The following SLC25A20 variants were observed in gnomAD, a reference collection of about 807,000 sequenced individuals.
The protein encoded by SLC25A20 is mitochondrial carnitine/acylcarnitine carrier protein.
A neutral mutation model predicts 39.7 loss-of-function variants in SLC25A20; 29 were observed. The observed-to-expected ratio is 0.73, with a 90% CI of 0.54 to 1.00. The LOEUF is 1.00. SLC25A20 is among the 50% of genes least tolerant of loss of function. SLC25A20 has a pLI of 0.00. For synonymous variants in SLC25A20, 103 were observed against 142.2 expected (o/e 0.72, Z 1.96); for missense variants, 333 against 379.9 (o/e 0.88, Z 1.03).
At position 48,898,839 on chromosome 3, in the gene SLC25A20, T is replaced by C. The variant is rs946997872; in HGVS notation, c.-45A>G. ...CCGTCTGTCAGTTCTCGGGCCGTCC[T>C]GGCTTCTCAGCCCCAGCTGCAGTGC... On this transcript the variant is annotated 5_prime_UTR_variant, in exon 1 of 9. Coordinates refer to ENST00000319017, the MANE Select transcript of SLC25A20 (RefSeq NM_000387.6). 6.5e-7 allele frequency: 1 copy of C among 1,533,602 alleles called. No individual in the cohort carries two copies. The highest frequency in any genetic ancestry group is 1.4e-5 in the African/African-American group (1 of 72,730). 95.0% of individuals were successfully genotyped at this position (1,533,602 alleles called of 1,614,324 possible).
At chr3:48,892,946 C>T (rs997979172) in intron 1 of SLC25A20, among the ~76,000 whole-genome samples, 9 of 152,142 alleles carry the variant, frequency 5.9e-5, no homozygotes, top group African/African-American at 2.2e-4. Context: ...TGCAAAGTGG[C>T]TGCACCATTT....
At chr3:48,894,360 A>G (rs2083898521) in intron 1 of SLC25A20, among the ~76,000 whole-genome samples, 1 of 148,370 alleles carries the variant, frequency 6.7e-6, no homozygotes, top group South Asian at 2.1e-4. Flanking sequence ...TCCTGGGTTC[A>G]AGTGATTCTC....
chr3:48,875,880 T>C (rs2083751786), intron 4 of SLC25A20, among the ~76,000 whole-genome samples: 1 of 152,044 alleles, frequency 6.6e-6, no homozygotes, highest in East Asian at 1.9e-4. Flanking sequence ...TAGCAGGGCA[T>C]GGTGATGCAC....
intron 2 of SLC25A20, among the ~76,000 whole-genome samples, chr3:48,889,377 G>A (rs1358577905): frequency 1.3e-5 from 2 of 151,500 alleles, no homozygotes; most frequent in African/African-American, 4.8e-5. Flanking sequence ...GCAACAGAGT[G>A]AGACCATGTC....
intron 2 of SLC25A20, among the ~76,000 whole-genome samples, chr3:48,888,797 T>C (rs916727385): frequency 1.3e-5 from 2 of 151,356 alleles, no homozygotes; most frequent in African/African-American, 4.9e-5. Context: ...ATGAAAGTTA[T>C]ATTTTAGGGC....
At chr3:48,890,526 G>C (rs557383809) in intron 2 of SLC25A20, among the ~76,000 whole-genome samples, 2 of 151,644 alleles carry the variant, frequency 1.3e-5, no homozygotes, top group African/African-American at 4.8e-5. Context: ...AAATGCTGAT[G>C]TATGCTGCCT....
At position 48,857,746 on chromosome 3, in the gene SLC25A20, G is replaced by A; in HGVS notation, c.870C>T (p.Ala290=). 1 of 1,613,854 alleles carries A rather than the reference G, an allele frequency of 6.2e-7. No homozygotes were observed. The highest frequency in any genetic ancestry group is 8.5e-7 in the Non-Finnish European group (1 of 1,179,968). ...GGGTGGCCCAATTAAGGAACTTCAT[G>A]GCAACTTCAAAGCCAAGGAAACAGG... ...NAACFLGFEV[A]MKFLNWATPN... The change falls in exon 9 of 9, where the codon GCC becomes GCT. Residue 290 remains alanine (A), a synonymous_variant. Coordinates refer to ENST00000319017, the MANE Select transcript of SLC25A20 (RefSeq NM_000387.6).
Position 48,858,598 on chromosome 3 carries a change from T to C in SLC25A20, c.752A>G (p.Asp251Gly), listed in dbSNP as rs754912115. Reference protein sequence around the residue: ...PPGKYPNGFRDVLRELIRDEG... With the variant: ...PPGKYPNGFRGVLRELIRDEG... ...ATCCCGGATCAGCTCCCTCAGCACATCTCTGAAACCATTAGGATATTTCCC... is the reference window on the plus strand; with the variant it reads ...ATCCCGGATCAGCTCCCTCAGCACACCTCTGAAACCATTAGGATATTTCCC... The change falls in exon 8 of 9, where the codon GAT (aspartate) becomes GGT (glycine). Residue 251 changes from aspartate (D) to glycine (G), a missense_variant. By Grantham distance (94) the Asp-to-Gly change is moderately conservative (BLOSUM62 -1). Coordinates refer to ENST00000319017, the MANE Select transcript of SLC25A20 (RefSeq NM_000387.6). The C allele has an allele frequency of 6.2e-6, 10 of 1,614,152 alleles. No homozygotes were observed. In the South Asian group the frequency reaches 9.9e-5, roughly 16 times the overall value.
intron 2 of SLC25A20, among the ~76,000 whole-genome samples, chr3:48,891,327 G>A (rs1023150538): frequency 6.6e-5 from 10 of 151,250 alleles, no homozygotes; most frequent in Admixed American, 5.3e-4. Flanking sequence ...CACCCACCTT[G>A]GCCTCCCAAA....
chr3:48,872,321 G>T (rs2083722799), intron 4 of SLC25A20, among the ~76,000 whole-genome samples: 1 of 151,524 alleles, frequency 6.6e-6, no homozygotes, highest in African/African-American at 2.4e-5. Context: ...GTAAAGCCAG[G>T]GTTTTACCAT....
chr3:48,874,010 C>G (rs6446253), intron 4 of SLC25A20, among the ~76,000 whole-genome samples: 2 of 145,290 alleles, frequency 1.4e-5, no homozygotes, highest in African/African-American at 2.6e-5. Context: ...AGACTTAGGG[C>G]GAGCATGATG....
At chr3:48,889,584 T>C (rs989620147) in intron 2 of SLC25A20, among the ~76,000 whole-genome samples, 1 of 151,896 alleles carries the variant, frequency 6.6e-6, no homozygotes, top group African/African-American at 2.4e-5. Context: ...TTTTCTTTTT[T>C]CTTTTTCTTT....
At chr3:48,875,465 A>G (rs1220635299) in intron 4 of SLC25A20, among the ~76,000 whole-genome samples, 4 of 152,124 alleles carry the variant, frequency 2.6e-5, no homozygotes, top group Non-Finnish European at 4.4e-5. Context: ...GCTAGAGTGC[A>G]GTGGCACGAT....
At chr3:48,871,192 T>C (rs545925398) in intron 4 of SLC25A20, among the ~76,000 whole-genome samples, 1 of 152,084 alleles carries the variant, frequency 6.6e-6, no homozygotes, top group South Asian at 2.1e-4. Context: ...TTCAAAATAA[T>C]AAAGGTGTCA....
intron 4 of SLC25A20, among the ~76,000 whole-genome samples, chr3:48,869,774 T>A (rs1418301699): frequency 6.6e-6 from 1 of 151,898 alleles, no homozygotes; most frequent in Non-Finnish European, 1.5e-5. Flanking sequence ...ATCAGACCAC[T>A]ACACTCCAGC....
chr3:48,889,990 T>C (rs1360975574), intron 2 of SLC25A20, among the ~76,000 whole-genome samples: 1 of 152,124 alleles, frequency 6.6e-6, no homozygotes, highest in Non-Finnish European at 1.5e-5. Flanking sequence ...GTAACGCCAG[T>C]GCCTGGGAAG....
chr3:48,871,743 G>T (rs1360205169), intron 4 of SLC25A20, among the ~76,000 whole-genome samples: 1 of 149,590 alleles, frequency 6.7e-6, no homozygotes, highest in African/African-American at 2.5e-5. Flanking sequence ...CTCCAGCCTG[G>T]GCAACAAAGA....
At chr3:48,880,325 C>T (rs2083788212) in intron 3 of SLC25A20, among the ~76,000 whole-genome samples, 1 of 152,076 alleles carries the variant, frequency 6.6e-6, no homozygotes. Context: ...ACTCTGTCCC[C>T]AGGCTGGAGT....
intron 1 of SLC25A20, among the ~76,000 whole-genome samples, chr3:48,896,065 G>T (rs1239405182): frequency 6.6e-6 from 1 of 151,368 alleles, no homozygotes; most frequent in African/African-American, 2.4e-5. Flanking sequence ...GCTTGAACTC[G>T]GGAGATGGAA....
Sources: gnomAD v4.1 joint callset for allele counts (sites outside exome capture counted in the v4.1 genomes callset) on GRCh38, gnomAD v4.1.1 for gene constraint, MANE v1.5 for transcripts, NCBI Gene and HGNC (gene_info 2026-07-23, HGNC 2026-07-21) for gene names.